The following RGS21 variants were observed in gnomAD, a reference collection of about 807,000 sequenced individuals.
The protein encoded by RGS21 is regulator of G protein signaling 21, also known as regulator of G-protein signalling 21.
A neutral mutation model predicts 18.7 loss-of-function variants in RGS21; 19 were observed. The ratio of observed to expected loss-of-function variants is 1.01; its 90% CI spans 0.71 to 1.49. The LOEUF is 1.49. Among genes scored for constraint, RGS21 ranks in the 40% most tolerant of loss-of-function variants. RGS21 has a pLI of 0.00. For synonymous variants in RGS21, 56 were observed against 57.8 expected (o/e 0.97, Z 0.14); for missense variants, 194 against 176.8 (o/e 1.10, Z -0.55).
chr1:192,349,671 T>C lies in RGS21; in HGVS notation c.88+2282T>C, dbSNP rs999964189. ...TCAACAAAATATCATGTTCAAGATA[T>C]AGATAAGTAGCCCCAGGTTTAGTTT... On this transcript the variant is annotated intron_variant, in intron 3 of 4. Coordinates refer to ENST00000417209, the MANE Select transcript of RGS21 (RefSeq NM_001039152.3). Among the ~76,000 whole-genome samples the C allele has an allele frequency of 7.2e-4, 109 of 152,172 alleles. 1 individual carries two copies. Among genetic ancestry groups the C allele is most frequent in the Admixed American group, 6.9e-3 (106 of 15,264 alleles).
rs562802654 is a variant in RGS21 at position 192,357,380 on chromosome 1, C to T, written c.255+5167C>T. Among the ~76,000 whole-genome samples, 3 of 151,818 alleles carry T rather than the reference C, an allele frequency of 2.0e-5. No homozygotes were observed. In the East Asian group the frequency reaches 5.8e-4, roughly 29 times the overall value. ...ATGATTTCCACATTTTTATTCATTC[C>T]TTCTTAAAGAGCTCTCCTTCAAAAG... On this transcript the variant is annotated intron_variant, in intron 4 of 4. Coordinates refer to ENST00000417209, the MANE Select transcript of RGS21 (RefSeq NM_001039152.3).
At chr1:192,331,184 G>A (rs1658642117) in intron 1 of RGS21, among the ~76,000 whole-genome samples, 1 of 152,032 alleles carries the variant, frequency 6.6e-6, no homozygotes, top group African/African-American at 2.4e-5. Context: ...CAAATTTTGT[G>A]GAATTTATTT....
chr1:192,331,471 T>C (rs951554350), intron 1 of RGS21, among the ~76,000 whole-genome samples: 2 of 151,760 alleles, frequency 1.3e-5, no homozygotes, highest in African/African-American at 4.8e-5. Context: ...CGATTGAACA[T>C]GGGAGGCGGA....
At chr1:192,334,590 G>T (rs1388831667) in intron 1 of RGS21, among the ~76,000 whole-genome samples, 1 of 152,010 alleles carries the variant, frequency 6.6e-6, no homozygotes, top group African/African-American at 2.4e-5. Flanking sequence ...TGTAATATAT[G>T]TAAGAAACTT....
At chr1:192,340,344 A>G (rs573594238) in intron 1 of RGS21, among the ~76,000 whole-genome samples, 1 of 152,258 alleles carries the variant, frequency 6.6e-6, no homozygotes, top group African/African-American at 2.4e-5. Flanking sequence ...ATTTTCTTTC[A>G]ATTTCACAAA....
chr1:192,351,777 A>G (rs1473547635), intron 3 of RGS21, among the ~76,000 whole-genome samples: 1 of 147,556 alleles, frequency 6.8e-6, no homozygotes, highest in Non-Finnish European at 1.5e-5. Flanking sequence ...AACATATATA[A>G]TATATATAAC....
At chr1:192,354,775 C>A (rs1160044915) in intron 4 of RGS21, among the ~76,000 whole-genome samples, 2 of 151,670 alleles carry the variant, frequency 1.3e-5, no homozygotes, top group African/African-American at 4.8e-5. Flanking sequence ...TCATATTACT[C>A]ATATGCCTAT....
intron 1 of RGS21, among the ~76,000 whole-genome samples, 166 bp from the exon 2 acceptor site, chr1:192,342,811 A>G (rs1043268595): frequency 4.6e-5 from 7 of 152,126 alleles, no homozygotes; most frequent in African/African-American, 1.7e-4. Flanking sequence ...ACATTTATTC[A>G]AAGAGTTATT....
intron 3 of RGS21, among the ~76,000 whole-genome samples, chr1:192,350,155 A>T (rs1348309054): frequency 6.6e-6 from 1 of 152,162 alleles, no homozygotes; most frequent in Non-Finnish European, 1.5e-5. Flanking sequence ...GTGCTCATAT[A>T]TTAACTGCAT....
intron 1 of RGS21, among the ~76,000 whole-genome samples, chr1:192,324,847 G>T (rs148791623): frequency 6.6e-5 from 10 of 151,994 alleles, no homozygotes; most frequent in African/African-American, 2.4e-4. Flanking sequence ...GCCAACAAAT[G>T]TCTTAGTAAC....
In RGS21 at chr1:192,367,197, T is replaced by C. The variant is rs1293863665; in HGVS notation, c.*1073T>C. The C allele has an allele frequency of 2.7e-5, 4 of 146,946 alleles. No homozygotes were observed. The highest frequency in any genetic ancestry group is 9.8e-5 in the African/African-American group (4 of 40,942). The allele number at this position is 146,946 out of a possible 1,614,324, so 9.1% of individuals were successfully genotyped here. A position where few individuals can be genotyped will look rare whatever the true frequency, so the allele number is the denominator to read the frequency against. ...AAAAATGGAGGAAAAATAGCATGGCTTATTTTATGTTTTCACAAACTACTC... is the reference window on the plus strand; with the variant it reads ...AAAAATGGAGGAAAAATAGCATGGCCTATTTTATGTTTTCACAAACTACTC... On this transcript the variant is annotated 3_prime_UTR_variant, in exon 5 of 5. Coordinates refer to ENST00000417209, the MANE Select transcript of RGS21 (RefSeq NM_001039152.3).
chr1:192,334,208 T>G lies in RGS21; in HGVS notation c.-60-8769T>G, dbSNP rs990894947. Among the ~76,000 whole-genome samples, 13 of 152,154 alleles carry G rather than the reference T, an allele frequency of 8.5e-5. 1 individual carries two copies. ...ATTTGGACTTAAAGAGACCTGAGCT[T>G]CAATTCCCCATCCAGCAGTTATTAA... On this transcript the variant is annotated intron_variant, in intron 1 of 4. Transcript: ENST00000417209.
chr1:192,353,803 A>G (rs1488117791), intron 4 of RGS21, among the ~76,000 whole-genome samples: 1 of 151,664 alleles, frequency 6.6e-6, no homozygotes, highest in Non-Finnish European at 1.5e-5. Context: ...ACAGCTTTTT[A>G]TAGATTGTAC....
At chr1:192,351,768 A>G (rs1176542063) in intron 3 of RGS21, among the ~76,000 whole-genome samples, 1 of 147,852 alleles carries the variant, frequency 6.8e-6, no homozygotes, top group African/African-American at 2.5e-5. Context: ...ATAATATATA[A>G]CATATATAAT....
intron 4 of RGS21, among the ~76,000 whole-genome samples, chr1:192,352,654 C>G (rs1045304769): frequency 6.6e-6 from 1 of 151,922 alleles, no homozygotes; most frequent in Non-Finnish European, 1.5e-5. Flanking sequence ...TTAATTTAAA[C>G]AAATTAATAT....
chr1:192,346,979 A>G (rs1456106809), intron 2 of RGS21, among the ~76,000 whole-genome samples: 3 of 152,164 alleles, frequency 2.0e-5, no homozygotes, highest in African/African-American at 7.2e-5. Context: ...GAGTAATGTC[A>G]CATAAATTAA....
chr1:192,317,707 A>T (rs1486930272), intron 1 of RGS21, among the ~76,000 whole-genome samples: 2 of 152,028 alleles, frequency 1.3e-5, no homozygotes, highest in African/African-American at 4.8e-5. Context: ...GGATAAAAGC[A>T]CTACTTCAAC....
Position 192,347,299 on chromosome 1 carries a change from A to T in RGS21, c.12-14A>T, listed in dbSNP as rs538551070. ...TAAAGAAGAAAAAGATCACAATGCT[A>T]TTGTCAAGGTTAGATGCTGTTTCTA... On this transcript the variant is annotated splice_polypyrimidine_tract_variant and intron_variant, in intron 2 of 4. Coordinates refer to ENST00000417209, the MANE Select transcript of RGS21 (RefSeq NM_001039152.3). 1 of 1,521,028 alleles carries T rather than the reference A, an allele frequency of 6.6e-7. No individual in the cohort carries two copies. 94.2% of individuals were successfully genotyped at this position (1,521,028 alleles called of 1,614,324 possible).
intron 1 of RGS21, among the ~76,000 whole-genome samples, chr1:192,326,521 T>C (rs1247427923): frequency 6.6e-6 from 1 of 152,134 alleles, no homozygotes; most frequent in Non-Finnish European, 1.5e-5. Flanking sequence ...CTTATGTGTG[T>C]ACTCATTATG....
Sources: gnomAD v4.1 joint callset for allele counts (sites outside exome capture counted in the v4.1 genomes callset) on GRCh38, gnomAD v4.1.1 for gene constraint, MANE v1.5 for transcripts, NCBI Gene and HGNC (gene_info 2026-07-23, HGNC 2026-07-21) for gene names.